The following PTPRD variants were observed in gnomAD, a reference collection of about 807,000 sequenced individuals.
PTPRD encodes protein tyrosine phosphatase receptor type D.
PTPRD carries 34 observed loss-of-function variants against 214.5 expected under a neutral mutation model. The ratio of observed to expected loss-of-function variants is 0.16; its 90% CI spans 0.12 to 0.21. The LOEUF (loss-of-function observed/expected upper bound fraction) is 0.21. Ranked by LOEUF, PTPRD falls within the 10% of genes least tolerant of loss-of-function variation. The pLI is 1.00. For synonymous variants in PTPRD, 1,128 were observed against 845.7 expected (o/e 1.33, Z -5.79); for missense variants, 2,545 against 2,398.7 (o/e 1.06, Z -1.27).
In PTPRD at chr9:8,322,568, G is replaced by A. The variant is rs565342202; in HGVS notation, c.5535-2602C>T. 5.3e-5 allele frequency among the ~76,000 whole-genome samples: 8 copies of A among 152,264 alleles called. No homozygotes were observed. In the East Asian group the frequency reaches 1.5e-3, roughly 29 times the overall value. ...TCTATGAAGGCTGGGAGGTGAGGAG[G>A]CTGCAGAAGAAAAGTTTGAAGTTAG... is the stretch of plus-strand genomic sequence containing the variant. On this transcript the variant is annotated intron_variant, in intron 44 of 45. Transcript: ENST00000381196.
At chr9:9,069,599 A>G (rs2099740808) in intron 10 of PTPRD, among the ~76,000 whole-genome samples, 2 of 152,222 alleles carry the variant, frequency 1.3e-5, no homozygotes, top group Admixed American at 1.3e-4. Flanking sequence ...GAGGCCTTCA[A>G]GCCAGCAAAG....
chr9:9,548,273 A>G (rs2079291397), intron 8 of PTPRD, among the ~76,000 whole-genome samples: 1 of 152,040 alleles, frequency 6.6e-6, no homozygotes, highest in Non-Finnish European at 1.5e-5. Flanking sequence ...ACCTAAACCC[A>G]AATTTATTCA....
At chr9:9,108,176 TTA>T (rs2099801277) in intron 10 of PTPRD, among the ~76,000 whole-genome samples, 1 of 152,178 alleles carries the variant, frequency 6.6e-6, no homozygotes, top group African/African-American at 2.4e-5. Flanking sequence ...CCTGTAAAAC[TTA>T]TATTATTTAC....
rs766017424 is a variant in PTPRD at position 9,573,864 on chromosome 9, G to A, written c.-237+868C>T. 1.1e-4 allele frequency among the ~76,000 whole-genome samples: 17 copies of A among 151,736 alleles called. No individual in the cohort carries two copies. In the East Asian group the frequency reaches 3.1e-3, roughly 28 times the overall value. On this transcript the variant is annotated intron_variant, in intron 8 of 45. Coordinates refer to ENST00000381196, the MANE Select transcript of PTPRD (RefSeq NM_002839.4). Reference sequence around the variant, plus strand: ...GTTCTTAGAGATGGCTGTTATCTACGATCATTTTAAAACATCTTTTTCAAG... The same window carrying A: ...GTTCTTAGAGATGGCTGTTATCTACAATCATTTTAAAACATCTTTTTCAAG...
intron 5 of PTPRD, among the ~76,000 whole-genome samples, chr9:9,901,954 G>C (rs2076503513): frequency 6.6e-6 from 1 of 152,134 alleles, no homozygotes; most frequent in Admixed American, 6.5e-5. Context: ...ATAGTCGTTA[G>C]GATTGTATGA....
intron 5 of PTPRD, among the ~76,000 whole-genome samples, chr9:9,915,183 GC>G (rs1292778334): frequency 6.6e-6 from 1 of 152,050 alleles, no homozygotes; most frequent in East Asian, 1.9e-4. Flanking sequence ...TAGAATGAAG[GC>G]CCACACACCC....
At chr9:10,454,724 T>C (rs757853645) in intron 2 of PTPRD, among the ~76,000 whole-genome samples, 2 of 151,736 alleles carry the variant, frequency 1.3e-5, no homozygotes, top group Non-Finnish European at 3.0e-5. Context: ...AATTGTTTCC[T>C]CTTGCCTTTG....
At chr9:9,006,001 AT>A (rs796273693) in intron 11 of PTPRD, among the ~76,000 whole-genome samples, 4 of 151,660 alleles carry the variant, frequency 2.6e-5, no homozygotes, top group Non-Finnish European at 2.9e-5. Context: ...AATAGCCTGG[AT>A]TTTTTTTTAA....
At chr9:8,405,310 T>A (rs2092859206) in intron 35 of PTPRD, among the ~76,000 whole-genome samples, 1 of 152,158 alleles carries the variant, frequency 6.6e-6, no homozygotes, top group African/African-American at 2.4e-5. Context: ...AAATTGTTTT[T>A]CTATTTATCA....
chr9:10,442,463 G>C (rs2098766378), intron 2 of PTPRD, among the ~76,000 whole-genome samples: 1 of 151,572 alleles, frequency 6.6e-6, no homozygotes, highest in Non-Finnish European at 1.5e-5. Flanking sequence ...TGGTTTATGT[G>C]GAGGCATAGA....
At chr9:8,536,334 C>T (rs552235561) in intron 14 of PTPRD, among the ~76,000 whole-genome samples, 42 of 151,732 alleles carry the variant, frequency 2.8e-4, no homozygotes, top group African/African-American at 8.0e-4. Context: ...GGACTAGATA[C>T]GCAAGTTCCA....
chr9:10,353,633 A>C (rs1389060591), intron 2 of PTPRD, among the ~76,000 whole-genome samples: 3 of 151,988 alleles, frequency 2.0e-5, no homozygotes, highest in Non-Finnish European at 4.4e-5. Context: ...AAATAAGATT[A>C]GAGAGTCAAA....
chr9:8,424,486 A>G (rs2094538474), intron 35 of PTPRD, among the ~76,000 whole-genome samples: 1 of 152,206 alleles, frequency 6.6e-6, no homozygotes, highest in African/African-American at 2.4e-5. Flanking sequence ...TAATGTTTAC[A>G]GTAATGCATT....
At chr9:9,355,775 G>A (rs894966732) in intron 9 of PTPRD, among the ~76,000 whole-genome samples, 1 of 151,428 alleles carries the variant, frequency 6.6e-6, no homozygotes, top group Non-Finnish European at 1.5e-5. Flanking sequence ...TAAAATAGAA[G>A]GGTACTAATG....
At position 8,488,639 on chromosome 9, in the gene PTPRD, T is replaced by A. The variant is rs931598904; in HGVS notation, c.2468-2290A>T. Among the ~76,000 whole-genome samples, 8 of 152,356 alleles carry A rather than the reference T, an allele frequency of 5.3e-5. No individual in the cohort carries two copies. In the East Asian group the frequency reaches 1.5e-3, roughly 29 times the overall value. On this transcript the variant is annotated intron_variant, in intron 27 of 45. Coordinates refer to ENST00000381196, the MANE Select transcript of PTPRD (RefSeq NM_002839.4). ...TTGGAAACTGTGTGAACTATTCCAC[T>A]TGCTTTTAATATATTTACAATTATC...
chr9:8,907,592 G>C (rs2098718033), intron 11 of PTPRD, among the ~76,000 whole-genome samples: 1 of 148,382 alleles, frequency 6.7e-6, no homozygotes, highest in Admixed American at 6.7e-5. Context: ...AACAAATGGG[G>C]AATACAGATA....
chr9:8,352,621 T>C (rs1173155141), intron 39 of PTPRD, among the ~76,000 whole-genome samples: 2 of 152,124 alleles, frequency 1.3e-5, no homozygotes, highest in Admixed American at 6.5e-5. Flanking sequence ...CACAGCAGGC[T>C]TGTCATTAGA....
At chr9:10,606,777 G>T (rs1387154048) in intron 2 of PTPRD, among the ~76,000 whole-genome samples, 1 of 151,822 alleles carries the variant, frequency 6.6e-6, no homozygotes, top group Non-Finnish European at 1.5e-5. Context: ...TTTGTTCTCT[G>T]TTCGTGTAGC....
intron 37 of PTPRD, among the ~76,000 whole-genome samples, chr9:8,384,621 G>A (rs1156959834): frequency 1.3e-5 from 2 of 152,096 alleles, no homozygotes; most frequent in African/African-American, 2.4e-5. Flanking sequence ...TCTGTCTCCC[G>A]GGTCAAGCGA....
Sources: gnomAD v4.1 joint callset for allele counts (sites outside exome capture counted in the v4.1 genomes callset) on GRCh38, gnomAD v4.1.1 for gene constraint, MANE v1.5 for transcripts, NCBI Gene and HGNC (gene_info 2026-07-23, HGNC 2026-07-21) for gene names.